DNAH5: variants seen among roughly 807,000 people sequenced by gnomAD.
The protein encoded by DNAH5 is axonemal beta dynein heavy chain 5.
A neutral mutation model predicts 518.2 loss-of-function variants in DNAH5; 372 were observed. The observed-to-expected ratio is 0.72, with a 90% CI of 0.66 to 0.78. The LOEUF is 0.78. Ranked by LOEUF, DNAH5 falls within the 30% of genes least tolerant of loss-of-function variation. The pLI is 0.00. For synonymous variants in DNAH5, 2,039 were observed against 2,025.9 expected, an observed-to-expected ratio of 1.01 and a Z score of -0.17; for missense variants, 5,523 against 5,687.0, an observed-to-expected ratio of 0.97 and a Z score of 0.93.
At chr5:13,745,048 C>T (rs1411180269) in intron 65 of DNAH5, among the ~76,000 whole-genome samples, 1 of 152,088 alleles carries the variant, frequency 6.6e-6, no homozygotes, top group Non-Finnish European at 1.5e-5. Flanking sequence ...AAGGAAATCA[C>T]ACACCTGTTT....
chr5:13,930,531 T>C (rs1437827996), intron 2 of DNAH5, among the ~76,000 whole-genome samples: 3 of 152,220 alleles, frequency 2.0e-5, no homozygotes, highest in Non-Finnish European at 2.9e-5. Flanking sequence ...GGAATCATCA[T>C]AGGGCTGCTT....
chr5:13,735,099 C>T (rs951497298), intron 68 of DNAH5, 32 bp downstream of exon 68: 4 of 1,606,482 alleles, frequency 2.5e-6, no homozygotes, highest in Non-Finnish European at 8.5e-7. Flanking sequence ...CCATCTGCAC[C>T]TGTGCGCTAT....
chr5:13,805,791 T>C (rs1359240858), intron 47 of DNAH5, among the ~76,000 whole-genome samples: 1 of 152,232 alleles, frequency 6.6e-6, no homozygotes, highest in Non-Finnish European at 1.5e-5. Flanking sequence ...TAAGTCATTC[T>C]AGTGAATTAT....
At chr5:13,916,907 C>T (rs1167526194) in intron 8 of DNAH5, among the ~76,000 whole-genome samples, 2 of 151,976 alleles carry the variant, frequency 1.3e-5, no homozygotes, top group African/African-American at 2.4e-5. Context: ...TAAAATATAA[C>T]ATCTCATATA....
intron 72 of DNAH5, 149 bp from the exon 73 acceptor site, chr5:13,717,669 T>TTC: frequency 1.3e-6 from 1 of 787,620 alleles, no homozygotes; most frequent in South Asian, 1.6e-5. Context: ...CAATAATAAT[T>TTC]TAACTTTTGG....
rs1209708350 is a variant in DNAH5, at chr5:13,737,459, C to T, written c.11248G>A (p.Val3750Ile). The part of the protein sequence containing the change: ...EKERTHLMED[V>I]TANKRRMKEL... Reference sequence around the variant, plus strand: ...TTCATCCTTCTTTTGTTTGCAGTTACATCTTCCATCAGATGAGTTCTTTCT... The same window carrying T: ...TTCATCCTTCTTTTGTTTGCAGTTATATCTTCCATCAGATGAGTTCTTTCT... Residue 3750 changes from valine (V) to isoleucine (I), a missense_variant, in exon 66 of 79, where the codon GTA (valine) becomes ATA (isoleucine). Physicochemically the swap from Val to Ile is conservative, Grantham distance 29. Coordinates refer to ENST00000265104, the MANE Select transcript of DNAH5 (RefSeq NM_001369.3). The T allele has an allele frequency of 3.2e-5, 51 of 1,613,934 alleles. No homozygotes were observed. The highest frequency in any genetic ancestry group is 4.1e-5 in the Non-Finnish European group (48 of 1,179,940).
At chr5:13,814,242 CT>C (rs1761112271) in intron 43 of DNAH5, among the ~76,000 whole-genome samples, 1 of 152,156 alleles carries the variant, frequency 6.6e-6, no homozygotes, top group East Asian at 1.9e-4. Context: ...GATGGTCCTC[CT>C]AAACTTTATG....
intron 1 of DNAH5, among the ~76,000 whole-genome samples, chr5:14,006,466 G>A (rs1025632388): frequency 6.6e-6 from 1 of 152,054 alleles, no homozygotes; most frequent in Non-Finnish European, 1.5e-5. Context: ...TCTCTCCTTG[G>A]CTTGCAGATG....
intron 75 of DNAH5, among the ~76,000 whole-genome samples, chr5:13,712,320 CAA>C (rs1474013415): frequency 6.6e-6 from 1 of 152,150 alleles, no homozygotes; most frequent in Non-Finnish European, 1.5e-5. Context: ...AAAATCAACT[CAA>C]GATGGATTAA....
At chr5:13,793,769 C>T in intron 48 of DNAH5, 41 bp from the exon 49 acceptor site, 1 of 1,599,150 alleles carries the variant, frequency 6.3e-7, no homozygotes, top group Non-Finnish European at 8.6e-7. Context: ...TCATTCCTTT[C>T]TATCCCCGGA....
chr5:13,705,771 A>T (rs10054695), intron 76 of DNAH5, among the ~76,000 whole-genome samples: 3,746 of 152,322 alleles, frequency 0.025, 139 homozygotes, highest in African/African-American at 0.085. Flanking sequence ...AAATTTGGAC[A>T]CAGAGACAGA....
chr5:13,901,588 A>G lies in DNAH5; in HGVS notation c.1731-15T>C, dbSNP rs780181100. 3 of 1,564,930 alleles carry G rather than the reference A, an allele frequency of 1.9e-6. No homozygotes were observed. The highest frequency in any genetic ancestry group is 4.5e-5 in the East Asian group (2 of 44,290). The stretch of plus-strand genomic sequence containing the variant: ...GTATATTCAATCTGATTTTTTTAAA[A>G]AGTTAAAAGCTTGAATTAATGGAAT... On this transcript the variant is annotated splice_polypyrimidine_tract_variant and intron_variant, in intron 13 of 78. Coordinates refer to ENST00000265104, the MANE Select transcript of DNAH5 (RefSeq NM_001369.3).
intron 17 of DNAH5, among the ~76,000 whole-genome samples, chr5:13,887,831 G>A (rs772543673): frequency 8.6e-5 from 13 of 152,004 alleles, no homozygotes; most frequent in Non-Finnish European, 1.8e-4. Flanking sequence ...CCTCTCCACC[G>A]GCACACATAG....
chr5:13,761,495 A>G (rs952584950), intron 60 of DNAH5, among the ~76,000 whole-genome samples: 11 of 150,786 alleles, frequency 7.3e-5, no homozygotes, highest in African/African-American at 2.4e-4. Context: ...CGGGAGGCTG[A>G]GGCAGGAGAA....
At chr5:13,817,865 T>C (rs1761660816) in intron 41 of DNAH5, among the ~76,000 whole-genome samples, 171 bp from the exon 42 acceptor site, 1 of 152,232 alleles carries the variant, frequency 6.6e-6, no homozygotes, top group Non-Finnish European at 1.5e-5. Flanking sequence ...ATTAGCTTCA[T>C]TATACTTTAT....
At chr5:13,975,076 T>A (rs562728271) in intron 1 of DNAH5, among the ~76,000 whole-genome samples, 12 of 152,252 alleles carry the variant, frequency 7.9e-5, no homozygotes, top group Admixed American at 5.9e-4. Context: ...GGCACTGCAT[T>A]AGTCTGTTTT....
chr5:13,765,851 G>T, intron 59 of DNAH5, 125 bp downstream of exon 59: 1 of 1,025,024 alleles, frequency 9.8e-7, no homozygotes, highest in Non-Finnish European at 1.5e-6. Context: ...TTGAGACAAA[G>T]TTTTACTCTG....
rs573912941 is a variant in DNAH5 at position 13,830,399 on chromosome 5, C to T, written c.6062-186G>A. ...ATTTGGCACTTCACCTGTAAACACC[C>T]AAGATAAAGGAATATCAAAAAAAAG... On this transcript the variant is annotated intron_variant, in intron 36 of 78. Coordinates refer to ENST00000265104, the MANE Select transcript of DNAH5 (RefSeq NM_001369.3). 7.9e-4 allele frequency among the ~76,000 whole-genome samples: 112 copies of T among 141,582 alleles called. 1 individual carries two copies. Among genetic ancestry groups the T allele is most frequent in the African/African-American group, 2.9e-3 (109 of 37,266 alleles). 92.9% of individuals were successfully genotyped at this position (141,582 alleles called of 152,430 possible).
chr5:13,735,514 T>C (rs780965334), intron 67 of DNAH5, among the ~76,000 whole-genome samples, 193 bp from the exon 68 acceptor site: 2 of 152,158 alleles, frequency 1.3e-5, no homozygotes, highest in Non-Finnish European at 2.9e-5. Context: ...ATCCCGAATG[T>C]TGTCTAAATC....
Sources: gnomAD v4.1 joint callset for allele counts (sites outside exome capture counted in the v4.1 genomes callset) on GRCh38, gnomAD v4.1.1 for gene constraint, MANE v1.5 for transcripts, NCBI Gene and HGNC (gene_info 2026-07-23, HGNC 2026-07-21) for gene names.